LGI2: variants seen among roughly 807,000 people sequenced by gnomAD.
The protein encoded by LGI2 is leucine-rich repeat LGI family member 2.
A neutral mutation model predicts 52.0 loss-of-function variants in LGI2; 30 were observed. The observed-to-expected ratio is 0.58, with a 90% CI of 0.43 to 0.78. LGI2 has a LOEUF of 0.78. Ranked by LOEUF, LGI2 falls within the 30% of genes least tolerant of loss-of-function variation. The pLI is 0.00. For missense variants in LGI2, 573 were observed against 692.5 expected (o/e 0.83, Z 1.94); for synonymous variants, 270 against 271.8 (o/e 0.99, Z 0.06).
Position 24,999,526 on chromosome 4 carries a change from G to T in LGI2, c.*3925C>A. On this transcript the variant is annotated 3_prime_UTR_variant, in exon 8 of 8. Transcript: ENST00000382114. ...AGGAAGCTGTTGAACAGAATCTTTG[G>T]CCGCTGCCTAATTAAAGAACTTCCT... 1 of 232,142 alleles carries T rather than the reference G, an allele frequency of 4.3e-6. No individual in the cohort carries two copies. The highest frequency in any genetic ancestry group is 1.4e-4 in the East Asian group (1 of 7,366). The allele number at this position is 232,142 out of a possible 1,614,324, so 14.4% of individuals were successfully genotyped here.
chr4:24,993,390 T>G, the LGI2 span, among the ~76,000 whole-genome samples: 1 of 152,328 alleles, frequency 6.6e-6, no homozygotes, highest in South Asian at 2.1e-4. Flanking sequence ...TGAAGAGTCC[T>G]GAGAATAAAT....
At chr4:24,992,416 A>G in the LGI2 span, among the ~76,000 whole-genome samples, 1 of 152,118 alleles carries the variant, frequency 6.6e-6, no homozygotes, top group African/African-American at 2.4e-5. Context: ...TGGTCAGCAG[A>G]AAAGGCTGGG....
In LGI2 at chr4:25,030,604, C is replaced by T. The variant is rs1726307672; in HGVS notation, c.90G>A (p.Val30=). The T allele has an allele frequency of 6.4e-7, 1 of 1,562,484 alleles. No homozygotes were observed. The highest frequency in any genetic ancestry group is 1.9e-5 in the Admixed American group (1 of 51,980). Reference sequence around the variant, plus strand: ...TGGCGGGGCAGCGCGCCAGCCGCCTCACCTGCGCGCTCCGCGGTATCAGGC... The same window carrying T: ...TGGCGGGGCAGCGCGCCAGCCGCCTTACCTGCGCGCTCCGCGGTATCAGGC... ...AACLIPRSAQ[V]RRLARCPATC... Residue 30 remains valine, a synonymous_variant, in exon 1 of 8, where the codon GTG becomes GTA. Transcript: ENST00000382114.
intron 6 of LGI2, among the ~76,000 whole-genome samples, chr4:25,015,713 C>T (rs773294141): frequency 3.3e-5 from 5 of 152,198 alleles, no homozygotes; most frequent in South Asian, 2.1e-4. Flanking sequence ...CCCGACCCCA[C>T]GCCCCTACTC....
At chr4:24,994,601 C>T (rs576246763), downstream of LGI2, among the ~76,000 whole-genome samples, 1 of 152,252 alleles carries the variant, frequency 6.6e-6, no homozygotes, top group East Asian at 1.9e-4. Context: ...TTCATCTGCT[C>T]CTCCACACTG....
downstream of LGI2, among the ~76,000 whole-genome samples, chr4:24,997,918 C>T (rs1229455240): frequency 1.3e-5 from 2 of 152,106 alleles, no homozygotes; most frequent in African/African-American, 2.4e-5. Context: ...CACTCTGACA[C>T]CCAGGTTGGA....
At chr4:25,012,082 C>T (rs7667874) in intron 7 of LGI2, among the ~76,000 whole-genome samples, 1 of 152,098 alleles carries the variant, frequency 6.6e-6, no homozygotes, top group African/African-American at 2.4e-5. Context: ...TAGAAAATGC[C>T]TCCCACCACA....
intron 7 of LGI2, among the ~76,000 whole-genome samples, chr4:25,007,411 C>T (rs1235963056): frequency 1.3e-5 from 2 of 152,134 alleles, no homozygotes; most frequent in Middle Eastern, 3.2e-3. Flanking sequence ...GCAGGCTCCT[C>T]GTCCCCTTCT....
chr4:25,013,357 A>G (rs1157736951), intron 6 of LGI2, among the ~76,000 whole-genome samples: 1 of 152,202 alleles, frequency 6.6e-6, no homozygotes, highest in African/African-American at 2.4e-5. Flanking sequence ...TGTGGGGAGA[A>G]GGAGGAGAAA....
At chr4:25,019,935 C>G (rs1647115018) in intron 4 of LGI2, among the ~76,000 whole-genome samples, 1 of 152,204 alleles carries the variant, frequency 6.6e-6, no homozygotes, top group African/African-American at 2.4e-5. Flanking sequence ...TCCCCAGTTC[C>G]TAGAACAGTG....
intron 4 of LGI2, among the ~76,000 whole-genome samples, chr4:25,021,941 A>AC (rs1206125578): frequency 6.6e-6 from 1 of 151,606 alleles, no homozygotes; most frequent in Non-Finnish European, 1.5e-5. Context: ...AAAAAAAAAA[A>AC]AAAAAAAACA....
chr4:25,012,268 C>A, intron 7 of LGI2, 67 bp downstream of exon 7: 2 of 1,555,552 alleles, frequency 1.3e-6, no homozygotes, highest in Non-Finnish European at 1.8e-6. Context: ...AGAGGACATT[C>A]CTCCTCCCGC....
In LGI2 at chr4:25,002,552, C is replaced by G. The variant is rs999789183; in HGVS notation, c.*899G>C. Reference sequence around the variant, plus strand: ...TAAAATCTCACTTCAAAAATTCTACCGAATGCTCATCAGACGGAAATAACT... The same window carrying G: ...TAAAATCTCACTTCAAAAATTCTACGGAATGCTCATCAGACGGAAATAACT... On this transcript the variant is annotated 3_prime_UTR_variant, in exon 8 of 8. Coordinates refer to ENST00000382114, the MANE Select transcript of LGI2 (RefSeq NM_018176.4). 1 of 152,550 alleles carries G rather than the reference C, an allele frequency of 6.6e-6. No individual in the cohort carries two copies. Among genetic ancestry groups the G allele is most frequent in the South Asian group, 2.1e-4 (1 of 4,832 alleles). The allele number at this position is 152,550 out of a possible 1,614,324, so 9.4% of individuals were successfully genotyped here.
chr4:25,025,715 G>A (rs926169558), intron 3 of LGI2, among the ~76,000 whole-genome samples: 1 of 152,102 alleles, frequency 6.6e-6, no homozygotes, highest in Non-Finnish European at 1.5e-5. Context: ...CCATGGTTGG[G>A]GCTTTGAAAC....
chr4:25,021,183 T>G (rs1305715554), intron 4 of LGI2, among the ~76,000 whole-genome samples: 1 of 152,052 alleles, frequency 6.6e-6, no homozygotes, highest in African/African-American at 2.4e-5. Context: ...ATTATTTAGA[T>G]GGATTATTTA....
chr4:25,008,528 G>C (rs376075200), intron 7 of LGI2, among the ~76,000 whole-genome samples: 2 of 140,176 alleles, frequency 1.4e-5, no homozygotes, highest in East Asian at 4.4e-4. Flanking sequence ...ACTCCAGCCT[G>C]GGTGACAAGA....
At chr4:25,022,715 C>T (rs1260311417) in intron 4 of LGI2, among the ~76,000 whole-genome samples, 2 of 152,192 alleles carry the variant, frequency 1.3e-5, no homozygotes, top group Admixed American at 6.5e-5. Context: ...ACACTTTGTA[C>T]ACCTGCACAA....
intron 3 of LGI2, among the ~76,000 whole-genome samples, chr4:25,025,549 G>A (rs996467719): frequency 2.0e-5 from 3 of 152,188 alleles, no homozygotes; most frequent in Admixed American, 6.5e-5. Flanking sequence ...GTTGGCACAT[G>A]GGATCTTGCA....
chr4:25,026,996 A>G, intron 2 of LGI2, 57 bp from the exon 3 acceptor site: 1 of 1,306,716 alleles, frequency 7.7e-7, no homozygotes, highest in Non-Finnish European at 1.1e-6. Context: ...CACATGGTAA[A>G]GCCATTTCTC....
Sources: gnomAD v4.1 joint callset for allele counts (sites outside exome capture counted in the v4.1 genomes callset) on GRCh38, gnomAD v4.1.1 for gene constraint, MANE v1.5 for transcripts, NCBI Gene and HGNC (gene_info 2026-07-23, HGNC 2026-07-21) for gene names.